SCN11A: variants seen among roughly 807,000 people sequenced by gnomAD.
SCN11A encodes sodium voltage-gated channel alpha subunit 11, also known as sodium channel protein type 11 subunit alpha.
A neutral mutation model predicts 162.2 loss-of-function variants in SCN11A; 122 were observed. The ratio of observed to expected loss-of-function variants is 0.75; its 90% confidence interval spans 0.65 to 0.87. The LOEUF (loss-of-function observed/expected upper bound fraction) is 0.87, where lower values mean the gene tolerates loss of function less well. SCN11A is among the 40% of genes least tolerant of loss of function. SCN11A has a pLI of 0.00. For synonymous variants in SCN11A, 758 were observed against 751.5 expected (o/e 1.01, Z -0.14); for missense variants, 2,015 against 2,181.6 (o/e 0.92, Z 1.52).
chr3:39,006,816 C>T (rs2030992517), intron 2 of SCN11A, among the ~76,000 whole-genome samples: 1 of 151,862 alleles, frequency 6.6e-6, no homozygotes, highest in African/African-American at 2.4e-5. Context: ...AAACCAAAAC[C>T]AAACCAAACC....
intron 1 of SCN11A, among the ~76,000 whole-genome samples, chr3:39,039,229 A>G (rs1388146783): frequency 1.3e-5 from 2 of 152,254 alleles, no homozygotes; most frequent in Non-Finnish European, 2.9e-5. Context: ...ACAAACCTCT[A>G]AAACCACCGA....
At chr3:38,962,607 T>G (rs1423134659) in intron 2 of SCN11A, among the ~76,000 whole-genome samples, 1 of 152,038 alleles carries the variant, frequency 6.6e-6, no homozygotes, top group Non-Finnish European at 1.5e-5. Flanking sequence ...TCCTAGCACT[T>G]TGGGAGGCTG....
chr3:38,917,931 T>C lies in SCN11A; in HGVS notation c.959+2004A>G, dbSNP rs532162274. 3.1e-3 allele frequency among the ~76,000 whole-genome samples: 466 copies of C among 152,314 alleles called. 1 individual carries two copies. Among genetic ancestry groups the C allele is most frequent in the Middle Eastern group, 6.8e-3 (2 of 294 alleles). On this transcript the variant is annotated intron_variant, in intron 11 of 29. Coordinates refer to ENST00000302328, the MANE Select transcript of SCN11A (RefSeq NM_001349253.2). ...AATAAAAAAAATACCCAAGTTTGACTGCTGTTAAGCATGGTATGTGTCCTC... is the reference window on the plus strand; with the variant it reads ...AATAAAAAAAATACCCAAGTTTGACCGCTGTTAAGCATGGTATGTGTCCTC...
chr3:38,944,836 G>A (rs183571543), intron 7 of SCN11A, among the ~76,000 whole-genome samples: 567 of 151,932 alleles, frequency 3.7e-3, no homozygotes, highest in Middle Eastern at 0.02. Context: ...GGTGGCAGGC[G>A]TCTGTAATCC....
At chr3:38,900,269 C>T (rs889588263) in intron 16 of SCN11A, among the ~76,000 whole-genome samples, 196 bp from the exon 17 acceptor site, 1 of 152,152 alleles carries the variant, frequency 6.6e-6, no homozygotes, top group African/African-American at 2.4e-5. Flanking sequence ...CTCTCTCCAT[C>T]CCTCTCCATG....
intron 15 of SCN11A, 23 bp from the exon 16 acceptor site, chr3:38,904,126 T>C (rs372804754): frequency 4.0e-6 from 6 of 1,496,682 alleles, no homozygotes; most frequent in East Asian, 2.3e-5. Flanking sequence ...GAGCGAGAGG[T>C]TGAGGAGTTA....
rs775829331 is a variant in SCN11A, at chr3:38,885,290, T to C, written c.3062A>G (p.Lys1021Arg). ...PKKQPERCLP[K>R]GFGCCFPCCS... ...GATGCAGAAATACTGCCACTTACCT[T>C]TGGGCAAACATCTCTCTGGTTGCTT... The change falls in exon 21 of 30, where the codon AAA becomes AGA. Residue 1021 changes from lysine (K) to arginine (R), a missense_variant and splice_region_variant. Coordinates refer to ENST00000302328, the MANE Select transcript of SCN11A (RefSeq NM_001349253.2). 3.8e-6 allele frequency: 6 copies of C among 1,584,756 alleles called. No individual in the cohort carries two copies. Among genetic ancestry groups the C allele is most frequent in the South Asian group, 2.2e-5 (2 of 90,492 alleles).
intron 19 of SCN11A, among the ~76,000 whole-genome samples, chr3:38,892,508 A>C (rs1052736886): frequency 1.1e-4 from 16 of 152,320 alleles, no homozygotes; most frequent in African/African-American, 3.6e-4. Context: ...TTGGAGTAAG[A>C]AAATCACACC....
Position 38,896,979 on chromosome 3 carries a change from A to T in SCN11A, c.2269T>A (p.Ser757Thr), listed in dbSNP as rs1194010356. Residue 757 changes from serine to threonine, a missense_variant, in exon 18 of 30, where the codon TCC (serine) becomes ACC (threonine). Transcript: ENST00000302328. ...AGGATGCGGAATACCACTAGGAAGGAGTGCCAGAAATCCCCCATGTGCCAG... is the reference window on the plus strand; with the variant it reads ...AGGATGCGGAATACCACTAGGAAGGTGTGCCAGAAATCCCCCATGTGCCAG... ...RHWHMGDFWH[S>T]FLVVFRILCG... is the part of the protein sequence containing the mutation. 2.5e-6 allele frequency: 4 copies of T among 1,614,030 alleles called. No individual in the cohort carries two copies. The highest frequency in any genetic ancestry group is 1.3e-5 in the African/African-American group (1 of 74,914).
intron 2 of SCN11A, among the ~76,000 whole-genome samples, chr3:38,978,976 C>T (rs372804920): frequency 1.3e-5 from 2 of 152,200 alleles, no homozygotes; most frequent in Non-Finnish European, 2.9e-5. Context: ...CCTCGGGAAA[C>T]CTTTAAAGAA....
chr3:38,971,760 G>T (rs1244784859), intron 2 of SCN11A, among the ~76,000 whole-genome samples: 3 of 152,164 alleles, frequency 2.0e-5, no homozygotes, highest in Non-Finnish European at 4.4e-5. Context: ...TCCTGGGTGG[G>T]CTGAAAGCTG....
chr3:38,978,677 CAGAA>C (rs1341971763), intron 2 of SCN11A, among the ~76,000 whole-genome samples: 2 of 151,940 alleles, frequency 1.3e-5, no homozygotes, highest in African/African-American at 4.8e-5. Flanking sequence ...TTTTCATAAA[CAGAA>C]AGTAATATAA....
intron 11 of SCN11A, among the ~76,000 whole-genome samples, chr3:38,916,234 C>G (rs2065959074): frequency 6.6e-6 from 1 of 152,076 alleles, no homozygotes; most frequent in Non-Finnish European, 1.5e-5. Context: ...AGACAGCATA[C>G]CATTGGGTCT....
intron 2 of SCN11A, among the ~76,000 whole-genome samples, chr3:38,965,267 G>C (rs1559558997): frequency 6.6e-6 from 1 of 152,178 alleles, no homozygotes; most frequent in Non-Finnish European, 1.5e-5. Flanking sequence ...AATTGTTTGT[G>C]AATAAATAAA....
chr3:38,864,133 G>C (rs2065006866), intron 27 of SCN11A, among the ~76,000 whole-genome samples: 1 of 152,058 alleles, frequency 6.6e-6, no homozygotes, highest in Admixed American at 6.6e-5. Context: ...GCCAACAGAA[G>C]GGTAAAGAAA....
At chr3:38,967,735 T>C (rs1485771624) in intron 2 of SCN11A, among the ~76,000 whole-genome samples, 1 of 152,228 alleles carries the variant, frequency 6.6e-6, no homozygotes, top group Non-Finnish European at 1.5e-5. Flanking sequence ...CCTGCTAGAC[T>C]GAGCAACTTC....
At chr3:38,994,009 C>A (rs2030534130) in intron 2 of SCN11A, among the ~76,000 whole-genome samples, 1 of 152,204 alleles carries the variant, frequency 6.6e-6, no homozygotes, top group African/African-American at 2.4e-5. Context: ...CACGCAGTAA[C>A]CATTCATTAG....
chr3:38,950,290 C>A lies in SCN11A; in HGVS notation c.73G>T (p.Ala25Ser). The A allele has an allele frequency of 6.8e-6, 11 of 1,614,002 alleles. No individual in the cohort carries two copies. The highest frequency in any genetic ancestry group is 9.3e-6 in the Non-Finnish European group (11 of 1,179,996). The change falls in exon 5 of 30, where the codon GCT (alanine) becomes TCT (serine). Residue 25 changes from alanine to serine, a missense_variant. By Grantham distance (99) the Ala-to-Ser change is moderately conservative. Coordinates refer to ENST00000302328, the MANE Select transcript of SCN11A (RefSeq NM_001349253.2). Reference protein sequence around the residue: ...NFRPFTSDSLAAIEKRIAIQK... With the variant: ...NFRPFTSDSLSAIEKRIAIQK... ...ATGGCAATCCGCTTCTCAATTGCAGCCAGAGAGTCGGAAGTGAAGGGGCGG... is the reference window on the plus strand; with the variant it reads ...ATGGCAATCCGCTTCTCAATTGCAGACAGAGAGTCGGAAGTGAAGGGGCGG...
chr3:38,965,013 G>C (rs2066772878), intron 2 of SCN11A, among the ~76,000 whole-genome samples: 1 of 152,226 alleles, frequency 6.6e-6, no homozygotes, highest in South Asian at 2.1e-4. Flanking sequence ...AACAGCCAAA[G>C]TGAACAGAGC....
Sources: allele counts gnomAD v4.1 joint callset (sites outside exome capture counted in the v4.1 genomes callset), GRCh38; gene constraint gnomAD v4.1.1; transcripts MANE v1.5; gene names NCBI Gene and HGNC (gene_info 2026-07-23, HGNC 2026-07-21).